ROBO1: variants seen among roughly 807,000 people sequenced by gnomAD.
The protein encoded by ROBO1 is roundabout homolog 1.
A neutral mutation model predicts 195.9 loss-of-function variants in ROBO1; 149 were observed. The observed-to-expected ratio is 0.76, with a 90% CI of 0.67 to 0.87. The LOEUF is 0.87. Ranked by LOEUF, ROBO1 falls within the 40% of genes least tolerant of loss-of-function variation. The pLI is 0.00. For missense variants in ROBO1, 1,933 were observed against 2,068.3 expected, an observed-to-expected ratio of 0.93 and a Z score of 1.27; for synonymous variants, 816 against 733.2, an observed-to-expected ratio of 1.11 and a Z score of -1.82.
chr3:79,244,168 T>A (rs928558239), intron 2 of ROBO1, among the ~76,000 whole-genome samples: 1 of 152,134 alleles, frequency 6.6e-6, no homozygotes, highest in Non-Finnish European at 1.5e-5. Flanking sequence ...CTATCATATA[T>A]TCTTCCTCCT....
chr3:78,787,673 G>A (rs1287454056), intron 4 of ROBO1, among the ~76,000 whole-genome samples: 4 of 152,150 alleles, frequency 2.6e-5, no homozygotes, highest in Non-Finnish European at 5.9e-5. Context: ...GTCAGGTGCG[G>A]TGGCTAATGC....
chr3:79,097,121 A>C (rs1460036082), intron 3 of ROBO1, among the ~76,000 whole-genome samples: 1 of 151,876 alleles, frequency 6.6e-6, no homozygotes, highest in Non-Finnish European at 1.5e-5. Flanking sequence ...GCGAATACTA[A>C]AAGCATGGCA....
At chr3:79,688,377 A>T (rs1947197148) in intron 1 of ROBO1, among the ~76,000 whole-genome samples, 1 of 152,116 alleles carries the variant, frequency 6.6e-6, no homozygotes, top group African/African-American at 2.4e-5. Context: ...ATTTTAAAAA[A>T]ATCACACAGC....
At chr3:79,474,508 G>C (rs1388894829) in intron 2 of ROBO1, among the ~76,000 whole-genome samples, 1 of 151,998 alleles carries the variant, frequency 6.6e-6, no homozygotes, top group Non-Finnish European at 1.5e-5. Flanking sequence ...AAACATAAAT[G>C]CAAATTTCTC....
intron 9 of ROBO1, 96 bp downstream of exon 9, chr3:78,688,552 A>G: frequency 2.3e-6 from 3 of 1,277,760 alleles, no homozygotes; most frequent in Non-Finnish European, 3.1e-6. Flanking sequence ...TTAATGTGAC[A>G]GCTGCATGAC....
At chr3:78,815,984 G>T (rs2084889554) in intron 4 of ROBO1, among the ~76,000 whole-genome samples, 1 of 152,082 alleles carries the variant, frequency 6.6e-6, no homozygotes, top group Admixed American at 6.6e-5. Flanking sequence ...ACCGATGAAG[G>T]TGGCTACAGT....
At chr3:78,937,497 A>C (rs1233517873) in intron 4 of ROBO1, among the ~76,000 whole-genome samples, 1 of 152,082 alleles carries the variant, frequency 6.6e-6, no homozygotes. Flanking sequence ...TCCAATCCCT[A>C]TGCAATTCTC....
intron 1 of ROBO1, among the ~76,000 whole-genome samples, chr3:79,600,394 A>G (rs1023534211): frequency 2.6e-5 from 4 of 151,990 alleles, no homozygotes; most frequent in Non-Finnish European, 4.4e-5. Context: ...GTCTTGACAC[A>G]TGTTGAGAGG....
At chr3:78,685,094 A>G (rs1370831138) in intron 10 of ROBO1, among the ~76,000 whole-genome samples, 1 of 152,134 alleles carries the variant, frequency 6.6e-6, no homozygotes, top group Non-Finnish European at 1.5e-5. Flanking sequence ...CATATACTAT[A>G]CATGTATATA....
intron 3 of ROBO1, among the ~76,000 whole-genome samples, chr3:79,061,279 A>G (rs528634491): frequency 8.9e-4 from 136 of 152,184 alleles, no homozygotes; most frequent in Non-Finnish European, 1.5e-3. Context: ...AAATACCTAG[A>G]AATCCAACTT....
intron 3 of ROBO1, among the ~76,000 whole-genome samples, chr3:79,075,169 C>A (rs1287327730): frequency 1.3e-5 from 2 of 151,724 alleles, no homozygotes; most frequent in Non-Finnish European, 2.9e-5. Flanking sequence ...GTAACATCAT[C>A]ATTCTTAATA....
chr3:78,924,013 G>A (rs1388314211), intron 4 of ROBO1, among the ~76,000 whole-genome samples: 3 of 151,426 alleles, frequency 2.0e-5, no homozygotes, highest in African/African-American at 4.9e-5. Flanking sequence ...AGTCAACTCT[G>A]TTATCCAACA....
intron 2 of ROBO1, among the ~76,000 whole-genome samples, chr3:79,153,864 C>T (rs764392414): frequency 1.3e-4 from 19 of 151,152 alleles, no homozygotes; most frequent in East Asian, 3.9e-4. Flanking sequence ...ATGTGGTATA[C>T]GTGACAATTG....
At chr3:78,783,833 T>C (rs2083752447) in intron 4 of ROBO1, among the ~76,000 whole-genome samples, 1 of 152,172 alleles carries the variant, frequency 6.6e-6, no homozygotes, top group African/African-American at 2.4e-5. Context: ...GATATCTGAT[T>C]GCAGACTAAA....
At chr3:78,630,205 G>A (rs1307254030) in intron 25 of ROBO1, among the ~76,000 whole-genome samples, 1 of 152,198 alleles carries the variant, frequency 6.6e-6, no homozygotes, top group Non-Finnish European at 1.5e-5. Flanking sequence ...GGACAAATAT[G>A]TTGTGGCTAG....
At chr3:79,664,637 C>G (rs1946424060) in intron 1 of ROBO1, among the ~76,000 whole-genome samples, 1 of 152,046 alleles carries the variant, frequency 6.6e-6, no homozygotes, top group Admixed American at 6.6e-5. Flanking sequence ...CAGAGCACGT[C>G]CTGTGGGATT....
intron 2 of ROBO1, among the ~76,000 whole-genome samples, chr3:79,308,367 A>T (rs976439768): frequency 2.0e-5 from 3 of 152,208 alleles, no homozygotes; most frequent in African/African-American, 7.2e-5. Flanking sequence ...AAATTTGCAC[A>T]TTTACTTTTG....
intron 4 of ROBO1, among the ~76,000 whole-genome samples, chr3:78,751,761 T>C (rs921535110): frequency 1.3e-5 from 2 of 152,182 alleles, no homozygotes; most frequent in African/African-American, 4.8e-5. Flanking sequence ...TTAGATTTCA[T>C]TATTCATAAC....
At chr3:78,622,210 G>A (rs1490182254) in intron 26 of ROBO1, among the ~76,000 whole-genome samples, 2 of 152,050 alleles carry the variant, frequency 1.3e-5, no homozygotes, top group African/African-American at 2.4e-5. Context: ...GAATACCCTA[G>A]AAGTTCATTA....
Sources: allele counts gnomAD v4.1 joint callset (sites outside exome capture counted in the v4.1 genomes callset), GRCh38; gene constraint gnomAD v4.1.1; transcripts MANE v1.5; gene names NCBI Gene and HGNC (gene_info 2026-07-23, HGNC 2026-07-21).